The following ATP2B2 variants were observed in gnomAD, a reference collection of about 807,000 sequenced individuals.
ATP2B2 encodes the protein plasma membrane calcium-transporting ATPase 2.
ATP2B2 carries 15 observed loss-of-function variants against 120.0 expected under a neutral mutation model. The ratio of observed to expected loss-of-function variants is 0.12; its 90% CI spans 0.08 to 0.19. ATP2B2 has a LOEUF of 0.19. Among genes scored for constraint, ATP2B2 ranks in the 10% least tolerant of loss-of-function variants. The probability of loss-of-function intolerance (pLI) is 1.00; values close to 1 mark genes in which losing one functional copy is unlikely to be tolerated. For missense variants in ATP2B2, 1,045 were observed against 1,719.8 expected, an observed-to-expected ratio of 0.61 and a Z score of 6.94; for synonymous variants, 694 against 700.3, an observed-to-expected ratio of 0.99 and a Z score of 0.14.
In ATP2B2 at chr3:10,553,611, G is replaced by A. The variant is rs139681984; in HGVS notation, c.-414-19478C>T. On this transcript the variant is annotated intron_variant, in intron 2 of 21. Transcript: ENST00000646379. ...TTAGTCTGATCCCCATGTTGTGGGG[G>A]AAACTGAGGCCCTCAGAGGATTGCA... Among the ~76,000 whole-genome samples the A allele has an allele frequency of 4.0e-3, 605 of 152,312 alleles. 2 individuals carry two copies. The highest frequency in any genetic ancestry group is 6.9e-3 in the Non-Finnish European group (471 of 68,030).
Position 10,343,115 on chromosome 3 carries a change from C to T in ATP2B2, c.2704-150G>A. On this transcript the variant is annotated intron_variant, in intron 18 of 22. Coordinates refer to ENST00000360273, the MANE Select transcript of ATP2B2 (RefSeq NM_001001331.4). The surrounding 1 kb of genome is among the most constrained non-coding windows in gnomAD (Gnocchi z 4.2). ...TCCCCAGCAGGCATGGAGTTGTTCT[C>T]TGATGCCTTCTCTGGAGAACAGTGC... is the stretch of plus-strand genomic sequence containing the variant. 1.3e-6 allele frequency: 1 copy of T among 756,676 alleles called. No individual in the cohort carries two copies. The highest frequency in any genetic ancestry group is 2.2e-6 in the Non-Finnish European group (1 of 458,182). The allele number at this position is 756,676 out of a possible 1,614,324, so 46.9% of individuals were successfully genotyped here.
intron 2 of ATP2B2, among the ~76,000 whole-genome samples, chr3:10,596,392 T>C (rs997019617): frequency 6.6e-6 from 1 of 152,246 alleles, no homozygotes; most frequent in Non-Finnish European, 1.5e-5. Flanking sequence ...ACTTAATAAA[T>C]GTTTGCTGAA....
chr3:10,659,202 C>T (rs1002877229), intron 1 of ATP2B2, among the ~76,000 whole-genome samples: 1 of 152,162 alleles, frequency 6.6e-6, no homozygotes. Context: ...AGCAAAATAA[C>T]CAGCTAACAT....
chr3:10,632,265 T>C (rs1221933940), intron 1 of ATP2B2, among the ~76,000 whole-genome samples: 1 of 152,154 alleles, frequency 6.6e-6, no homozygotes, highest in Non-Finnish European at 1.5e-5. Context: ...GATTAACAAC[T>C]CTGGTGCTGG....
rs750007738 is a variant in ATP2B2 at position 10,378,451 on chromosome 3, A to G, written c.1043-41T>C. On this transcript the variant is annotated intron_variant, in intron 9 of 22. Coordinates refer to ENST00000360273, the MANE Select transcript of ATP2B2 (RefSeq NM_001001331.4). ...CACGCACGTGCATACACACAGACAC[A>G]TAGACACACATGCAGGTCAGCCCAC... The G allele has an allele frequency of 1.9e-6, 3 of 1,598,432 alleles. No individual in the cohort carries two copies. In the East Asian group the frequency reaches 6.7e-5, roughly 36 times the overall value.
chr3:10,546,933 G>A lies in ATP2B2; in HGVS notation c.-414-12800C>T, dbSNP rs543920648. On this transcript the variant is annotated intron_variant, in intron 2 of 21. Coordinates refer to the ATP2B2 transcript ENST00000646379. ...CCATCAGTGAGCACTGAGCATCTGC[G>A]CAATGTCCTCTCTGAGTCAAAAATA... is the stretch of plus-strand genomic sequence containing the variant. 1.1e-4 allele frequency among the ~76,000 whole-genome samples: 17 copies of A among 152,316 alleles called. No homozygotes were observed. The East Asian group carries it at 2.1e-3, about 19-fold the overall frequency.
At chr3:10,483,259 G>C (rs2065486859) in intron 1 of ATP2B2, among the ~76,000 whole-genome samples, 1 of 152,230 alleles carries the variant, frequency 6.6e-6, no homozygotes, top group South Asian at 2.1e-4. Flanking sequence ...CAGATGACGA[G>C]GCTGTACAGC....
chr3:10,410,625 G>A lies in ATP2B2; in HGVS notation c.390C>T (p.Gly130=). 1 of 1,605,746 alleles carries A rather than the reference G, an allele frequency of 6.2e-7. No individual in the cohort carries two copies. The highest frequency in any genetic ancestry group is 8.5e-7 in the Non-Finnish European group (1 of 1,174,040). The change falls in exon 3 of 23, where the codon GGC becomes GGT. Residue 130 remains glycine (G), a synonymous_variant. Transcript: ENST00000360273. The stretch of plus-strand genomic sequence containing the variant: ...GTCTGAGGCCCATCTTACCTTCGTT[G>A]CCCTCGCCGGGCGGGTGGTAGAAGG... The part of the protein sequence containing the change: ...GLSFYHPPGE[G]NEGCATAQGG...
intron 3 of ATP2B2, among the ~76,000 whole-genome samples, chr3:10,529,006 G>C (rs899495469): frequency 1.3e-5 from 2 of 152,212 alleles, no homozygotes; most frequent in African/African-American, 4.8e-5. Flanking sequence ...GCAATAAAGG[G>C]GGTCCAGCAC....
At chr3:10,616,925 TA>T (rs2069405592) in intron 2 of ATP2B2, among the ~76,000 whole-genome samples, 2 of 152,306 alleles carry the variant, frequency 1.3e-5, no homozygotes, top group South Asian at 2.1e-4. Flanking sequence ...TCTACCTATT[TA>T]AAAAAATACA....
intron 1 of ATP2B2, among the ~76,000 whole-genome samples, chr3:10,688,666 G>GTC (rs1416330220): frequency 6.6e-6 from 1 of 152,174 alleles, no homozygotes; most frequent in Non-Finnish European, 1.5e-5. Flanking sequence ...GTGGTGTGAT[G>GTC]TCTCCTGCGC....
At chr3:10,515,251 T>C (rs1246156612) in intron 3 of ATP2B2, among the ~76,000 whole-genome samples, 2 of 152,176 alleles carry the variant, frequency 1.3e-5, no homozygotes, top group Non-Finnish European at 2.9e-5. Flanking sequence ...TATGGGAGTG[T>C]TGGGAGGCAT....
chr3:10,485,577 G>C (rs547290314), intron 1 of ATP2B2, among the ~76,000 whole-genome samples: 2 of 152,330 alleles, frequency 1.3e-5, no homozygotes, highest in South Asian at 4.1e-4. Context: ...AGGCCCCTGT[G>C]AATCAGAGCA....
At chr3:10,537,448 T>C (rs925968903) in intron 2 of ATP2B2, among the ~76,000 whole-genome samples, 1 of 152,204 alleles carries the variant, frequency 6.6e-6, no homozygotes, top group Non-Finnish European at 1.5e-5. Flanking sequence ...TTTGAGTGAT[T>C]GTAAATGGCA....
chr3:10,555,030 GA>G (rs1218271787), intron 2 of ATP2B2, among the ~76,000 whole-genome samples: 1 of 152,240 alleles, frequency 6.6e-6, no homozygotes, highest in Non-Finnish European at 1.5e-5. Context: ...AGGCAGGTCA[GA>G]GGCCCATTAT....
chr3:10,358,018 G>A (rs965584074), intron 14 of ATP2B2, among the ~76,000 whole-genome samples: 1 of 152,232 alleles, frequency 6.6e-6, no homozygotes, highest in Non-Finnish European at 1.5e-5. Context: ...CACCCCACTA[G>A]GTGTACTGAT....
intron 2 of ATP2B2, among the ~76,000 whole-genome samples, chr3:10,613,541 T>C (rs554627143): frequency 3.9e-5 from 6 of 152,088 alleles, no homozygotes; most frequent in South Asian, 4.1e-4. Flanking sequence ...TAAAACACCA[T>C]TGGTGTCAAA....
intron 1 of ATP2B2, among the ~76,000 whole-genome samples, chr3:10,655,769 T>C (rs1158349885): frequency 1.3e-5 from 2 of 152,218 alleles, no homozygotes; most frequent in Non-Finnish European, 2.9e-5. Context: ...CTTCCTTCCT[T>C]TGAAGCAGGC....
At chr3:10,378,208 C>G (rs758725471) in intron 10 of ATP2B2, 44 bp downstream of exon 10, 14 of 1,590,928 alleles carry the variant, frequency 8.8e-6, no homozygotes, top group Non-Finnish European at 1.1e-5. Context: ...TGCCTGGGGT[C>G]CCCCTGTGAG....
Sources: allele counts gnomAD v4.1 joint callset (sites outside exome capture counted in the v4.1 genomes callset), GRCh38; gene constraint gnomAD v4.1.1; non-coding constraint Gnocchi (gnomAD v3.1); transcripts MANE v1.5; gene names NCBI Gene and HGNC (gene_info 2026-07-23, HGNC 2026-07-21).